Variants in PFKM observed in about 807,000 individuals in gnomAD.
The protein encoded by PFKM is phosphofructokinase, muscle.
In PFKM, 58 loss-of-function variants were observed where a neutral mutation model predicts 95.5. The ratio of observed to expected loss-of-function variants is 0.61; its 90% CI spans 0.49 to 0.76. PFKM has a LOEUF of 0.76. Ranked by LOEUF, PFKM falls within the 30% of genes least tolerant of loss-of-function variation. PFKM has a pLI of 0.00. For missense variants in PFKM, 678 were observed against 1,005.4 expected (o/e 0.67, Z 4.40); for synonymous variants, 336 against 357.2 (o/e 0.94, Z 0.67).
chr12:48,127,591 G>C (rs1168910225), intron 2 of PFKM, among the ~76,000 whole-genome samples: 1 of 152,002 alleles, frequency 6.6e-6, no homozygotes, highest in Non-Finnish European at 1.5e-5. Flanking sequence ...ATTTTGTTTT[G>C]TCCCAAATGC....
At chr12:48,141,511 C>T in intron 15 of PFKM, 130 bp downstream of exon 15, 1 of 854,984 alleles carries the variant, frequency 1.2e-6, no homozygotes, top group Non-Finnish European at 2.0e-6. Flanking sequence ...CTCACAGTTG[C>T]TGCCATGAGG....
upstream of PFKM, among the ~76,000 whole-genome samples, chr12:48,118,056 T>A (rs1454709925): frequency 6.6e-6 from 1 of 152,192 alleles, no homozygotes; most frequent in East Asian, 1.9e-4. Context: ...AGCTTCCAGG[T>A]AGCAGGTTTC....
upstream of PFKM, among the ~76,000 whole-genome samples, chr12:48,116,277 C>G (rs1399897500): frequency 6.6e-6 from 1 of 150,930 alleles, no homozygotes; most frequent in Non-Finnish European, 1.5e-5. Context: ...CTCCCTACCT[C>G]CTTCCTTCCA....
rs1303866584 is a variant in PFKM, at chr12:48,145,356, A to C, written c.2198+41A>C. 6.6e-7 allele frequency: 1 copy of C among 1,512,042 alleles called. No individual in the cohort carries two copies. 93.7% of individuals were successfully genotyped at this position (1,512,042 alleles called of 1,614,324 possible). A position where few individuals can be genotyped will look rare whatever the true frequency, so the allele number is the denominator to read the frequency against. ...TCCTGGAGTGGTTCTTTTCCCTGGT[A>C]GTTTCAAGCTCTACTGTCCTCAACC... is the stretch of plus-strand genomic sequence containing the variant. On this transcript the variant is annotated intron_variant, in intron 22 of 22. Coordinates refer to ENST00000359794, the MANE Select transcript of PFKM (RefSeq NM_000289.6). The surrounding 1 kb of genome is among the most constrained non-coding windows in gnomAD (Gnocchi z 4.3).
chr12:48,134,256 A>G lies in PFKM; in HGVS notation c.618A>G (p.Glu206=). ...AQSHQRTFVL[E]VMGRHCGYLA... ...GCCACCAGAGGACATTTGTGTTAGA[A>G]GTAATGGGCCGCCACTGTGGGTAAG... is the stretch of plus-strand genomic sequence containing the variant. The change falls in exon 7 of 23, where the codon GAA becomes GAG. Residue 206 remains glutamate (E), a synonymous_variant. Coordinates refer to ENST00000359794, the MANE Select transcript of PFKM (RefSeq NM_000289.6). 1 of 1,613,958 alleles carries G rather than the reference A, an allele frequency of 6.2e-7. No homozygotes were observed.
At chr12:48,126,820 A>C (rs575459150) in intron 2 of PFKM, among the ~76,000 whole-genome samples, 134 of 152,314 alleles carry the variant, frequency 8.8e-4, no homozygotes, top group African/African-American at 3.2e-3. Flanking sequence ...CTTTAGTTTC[A>C]TATCTATTCT....
chr12:48,106,162 G>A (rs968242137), intron 1 of PFKM: 6 of 701,382 alleles, frequency 8.6e-6, no homozygotes, highest in Non-Finnish European at 1.6e-5. Context: ...GGGGGCTGGG[G>A]CAGGAGGTCA....
intron 6 of PFKM, 72 bp from the exon 7 acceptor site, chr12:48,134,160 C>T: frequency 7.9e-7 from 1 of 1,271,280 alleles, no homozygotes; most frequent in Non-Finnish European, 1.2e-6. Flanking sequence ...GGGTAATTGG[C>T]CTAGATGTGG....
intron 3 of PFKM, chr12:48,108,240 G>A: frequency 1.3e-6 from 2 of 1,570,826 alleles, no homozygotes; most frequent in Non-Finnish European, 1.7e-6. Flanking sequence ...AGGAATATGG[G>A]AAAGTGAAAG....
chr12:48,110,096 CAG>C (rs1012208015), intron 3 of PFKM, among the ~76,000 whole-genome samples: 14 of 152,176 alleles, frequency 9.2e-5, no homozygotes, highest in South Asian at 4.1e-4. Flanking sequence ...GAGGATAAAA[CAG>C]GGGGTGTAAT....
upstream of PFKM, chr12:48,118,726 GT>G (rs1273954096): frequency 3.1e-5 from 19 of 612,190 alleles, no homozygotes; most frequent in Non-Finnish European, 5.6e-5. Flanking sequence ...GGCTTGAGAA[GT>G]GGCCTCACAG....
chr12:48,137,986 A>G, intron 11 of PFKM, 140 bp downstream of exon 11: 1 of 901,922 alleles, frequency 1.1e-6, no homozygotes, highest in Non-Finnish European at 1.8e-6. Context: ...CATGTGGGGA[A>G]AGAACACAGT....
chr12:48,142,636 TA>T, intron 17 of PFKM, 145 bp from the exon 18 acceptor site: 1 of 797,288 alleles, frequency 1.3e-6, no homozygotes, highest in Non-Finnish European at 2.2e-6. Flanking sequence ...CCTGTTACCC[TA>T]AATGCAAGAA....
rs1950957471 is a variant in PFKM, at chr12:48,145,406, T to C, written c.2198+91T>C. 1.5e-6 allele frequency: 2 copies of C among 1,338,712 alleles called. No individual in the cohort carries two copies. The highest frequency in any genetic ancestry group is 2.1e-6 in the Non-Finnish European group (2 of 942,390). The allele number at this position is 1,338,712 out of a possible 1,614,324, so 82.9% of individuals were successfully genotyped here. A position where few individuals can be genotyped will look rare whatever the true frequency, so the allele number is the denominator to read the frequency against. On this transcript the variant is annotated intron_variant, in intron 22 of 22. Coordinates refer to ENST00000359794, the MANE Select transcript of PFKM (RefSeq NM_000289.6). The surrounding 1 kb of genome is among the most constrained non-coding windows in gnomAD (Gnocchi z 4.3). Reference sequence around the variant, plus strand: ...CTGTTCACTGTCTTTAATTCTTTTTTTTTTTTAAGGAGTAACACCTGTATT... The same window carrying C: ...CTGTTCACTGTCTTTAATTCTTTTTCTTTTTTAAGGAGTAACACCTGTATT...
At chr12:48,131,935 T>C in intron 4 of PFKM, 2 of 446,184 alleles carry the variant, frequency 4.5e-6, no homozygotes, top group Admixed American at 4.8e-5. Context: ...CACTGTGGGC[T>C]AGCCCACAGT....
In PFKM at chr12:48,112,166, G is replaced by T. The variant is rs530018356; in HGVS notation, c.205+3972G>T. On this transcript the variant is annotated intron_variant, in intron 3 of 24. Coordinates refer to the PFKM transcript ENST00000340802. ...GGGATGAGTTAGGGAGAGCTAGTGT[G>T]GGGGCAGCTTCTAGGGCTGTCTTTA... Among the ~76,000 whole-genome samples the T allele has an allele frequency of 6.6e-5, 10 of 152,310 alleles. No homozygotes were observed. The East Asian group carries it at 1.9e-3, about 29-fold the overall frequency.
Position 48,145,688 on chromosome 12 carries a change from T to TCCGGGGAAGCGGC in PFKM, c.2333_2334insGGCCCGGGGAAGC (p.Val780ArgfsTer39). 6.2e-7 allele frequency: 1 copy of TCCGGGGAAGCGGC among 1,614,110 alleles called. No homozygotes were observed. Among genetic ancestry groups the TCCGGGGAAGCGGC allele is most frequent in the Non-Finnish European group, 8.5e-7 (1 of 1,179,988 alleles). On this transcript the variant is annotated frameshift_variant, in exon 23 of 23. Transcript: ENST00000359794. LOFTEE classifies it high-confidence loss of function. This position sits in a 1 kb window ranked among gnomAD's most constrained non-coding sequence, Gnocchi z 4.3. ...CCTGGAGCACATCACCCGGAAGCGG[T>TCCGGGGAAGCGGC]CCGGGGAAGCTGCCGTCTAAACCTC...
upstream of PFKM, chr12:48,118,392 T>C (rs1947861818): frequency 2.9e-6 from 2 of 690,178 alleles, no homozygotes; most frequent in South Asian, 3.3e-5. Flanking sequence ...ACTTTCTTGA[T>C]GGTATAATTT....
chr12:48,131,466 G>A lies in PFKM; in HGVS notation c.237+73G>A, dbSNP rs78042191. On this transcript the variant is annotated intron_variant, in intron 4 of 22. Coordinates refer to ENST00000359794, the MANE Select transcript of PFKM (RefSeq NM_000289.6). ...CATCCCACTCTGTTTTGGGCTCATG[G>A]TCTCCTAAATTCCCTGTCATGTGGT... is the stretch of plus-strand genomic sequence containing the variant. 1.1e-5 allele frequency: 12 copies of A among 1,076,202 alleles called. No individual in the cohort carries two copies. The African/African-American group carries it at 1.2e-4, about 11-fold the overall frequency. 66.7% of individuals were successfully genotyped at this position (1,076,202 alleles called of 1,614,324 possible).
Sources: gnomAD v4.1 joint callset for allele counts (sites outside exome capture counted in the v4.1 genomes callset) on GRCh38, gnomAD v4.1.1 for gene constraint, Gnocchi (gnomAD v3.1) non-coding constraint, MANE v1.5 for transcripts, NCBI Gene and HGNC (gene_info 2026-07-23, HGNC 2026-07-21) for gene names.